NTRK3: variants seen among roughly 807,000 people sequenced by gnomAD.
NTRK3 encodes NT-3 growth factor receptor.
NTRK3 carries 24 observed loss-of-function variants against 91.7 expected under a neutral mutation model. The ratio of observed to expected loss-of-function variants is 0.26; its 90% CI spans 0.19 to 0.37. The LOEUF is 0.37. Among genes scored for constraint, NTRK3 ranks in the 10% least tolerant of loss-of-function variants. The pLI is 1.00. For synonymous variants in NTRK3, 483 were observed against 404.0 expected (o/e 1.20, Z -2.34); for missense variants, 880 against 1,068.9 (o/e 0.82, Z 2.46).
In NTRK3 at chr15:87,920,441, G is replaced by A. The variant is rs548800552; in HGVS notation, c.2133+8750C>T. 1.5e-3 allele frequency among the ~76,000 whole-genome samples: 223 copies of A among 152,224 alleles called. 1 individual carries two copies. Among genetic ancestry groups the A allele is most frequent in the African/African-American group, 4.9e-3 (205 of 41,540 alleles). On this transcript the variant is annotated intron_variant, in intron 17 of 18. Coordinates refer to ENST00000394480, the Ensembl canonical transcript of NTRK3. ...GGAAGTCTCTCCAGTCTGTGGCCAC[G>A]TCTCCTGATTAGCACAAAGCACCCT...
At position 88,240,574 on chromosome 15, in the gene NTRK3, G is replaced by A. The variant is rs977837496; in HGVS notation, c.248+15332C>T. On this transcript the variant is annotated intron_variant, in intron 3 of 18. Transcript: ENST00000394480. This position sits in a 1 kb window ranked among gnomAD's most constrained non-coding sequence, Gnocchi z 4.9. ...GCTGGGGCTGGCAGGAAATGGAAAG[G>A]GGTCTGTAATACAGGGCTGCCCCCC... is the stretch of plus-strand genomic sequence containing the variant. Among the ~76,000 whole-genome samples, 2 of 152,186 alleles carry A rather than the reference G, an allele frequency of 1.3e-5. No individual in the cohort carries two copies. The highest frequency in any genetic ancestry group is 2.4e-5 in the African/African-American group (1 of 41,442).
intron 13 of NTRK3, among the ~76,000 whole-genome samples, chr15:88,119,115 A>G (rs77545995): frequency 6.6e-6 from 1 of 152,366 alleles, no homozygotes; most frequent in East Asian, 1.9e-4. Context: ...GAGCAAGTTC[A>G]GCCTCCACAC....
chr15:88,041,150 A>G (rs2079567532), intron 13 of NTRK3, among the ~76,000 whole-genome samples: 5 of 152,228 alleles, frequency 3.3e-5, no homozygotes, highest in Admixed American at 3.3e-4. Context: ...GATTGGGGCT[A>G]AATCAGTGCA....
At chr15:87,869,186 C>T (rs1327306766) in exon 19 of NTRK3, 2 of 228,936 alleles carry the variant, frequency 8.7e-6, no homozygotes, top group Non-Finnish European at 1.7e-5. Context: ...TCAGAGAAGG[C>T]CCAAACTCCC....
chr15:88,147,460 C>G (rs931355063), intron 5 of NTRK3, 57 bp from the exon 6 acceptor site: 3 of 1,412,988 alleles, frequency 2.1e-6, no homozygotes, highest in Non-Finnish European at 3.0e-6. Context: ...AAATAATGCT[C>G]TAGGTAGTAA....
At chr15:88,109,602 C>G (rs942707592) in intron 13 of NTRK3, among the ~76,000 whole-genome samples, 1 of 152,158 alleles carries the variant, frequency 6.6e-6, no homozygotes, top group African/African-American at 2.4e-5. Flanking sequence ...CTTTAAAGTT[C>G]CAAGATATGT....
intron 14 of NTRK3, among the ~76,000 whole-genome samples, chr15:87,995,446 G>A (rs1340160906): frequency 6.6e-6 from 1 of 152,208 alleles, no homozygotes; most frequent in Non-Finnish European, 1.5e-5. Flanking sequence ...TAAGAAGATA[G>A]GAAGAGAAGT....
chr15:88,226,741 T>C lies in NTRK3; in HGVS notation c.248+29165A>G, dbSNP rs564490498. On this transcript the variant is annotated intron_variant, in intron 3 of 18. Coordinates refer to ENST00000394480, the Ensembl canonical transcript of NTRK3. ...CATGGTCTTGTGTCCCGTTCCATTA[T>C]TAATAAAAGTAACAACAATAATCAC... Among the ~76,000 whole-genome samples the C allele has an allele frequency of 4.6e-5, 7 of 152,346 alleles. No homozygotes were observed. The South Asian group carries it at 8.3e-4, about 18-fold the overall frequency.
chr15:88,251,207 T>A (rs2053314449), intron 3 of NTRK3, among the ~76,000 whole-genome samples: 1 of 152,242 alleles, frequency 6.6e-6, no homozygotes, highest in Admixed American at 6.5e-5. Context: ...GAATAACCAC[T>A]GTCCCAAGGT....
chr15:88,067,482 AG>A (rs1426805743), intron 13 of NTRK3, among the ~76,000 whole-genome samples: 1 of 152,104 alleles, frequency 6.6e-6, no homozygotes, highest in Non-Finnish European at 1.5e-5. Context: ...GACAGTTCCC[AG>A]GGGGATGGGT....
At chr15:88,118,364 G>A (rs910687861) in intron 13 of NTRK3, among the ~76,000 whole-genome samples, 2 of 152,264 alleles carry the variant, frequency 1.3e-5, no homozygotes, top group African/African-American at 4.8e-5. Context: ...GAGAAAGAAT[G>A]TTCCATGAGA....
At chr15:88,072,355 G>C (rs1379086664) in intron 13 of NTRK3, 2 of 196,748 alleles carry the variant, frequency 1.0e-5, no homozygotes, top group Non-Finnish European at 1.1e-5. Context: ...TCCCAGAGCA[G>C]AGTGACGCAG....
chr15:87,957,747 T>C (rs1327964795), intron 14 of NTRK3, among the ~76,000 whole-genome samples: 2 of 152,224 alleles, frequency 1.3e-5, no homozygotes, highest in Non-Finnish European at 2.9e-5. Flanking sequence ...TCAGAGACTA[T>C]GAAAGAGGAC....
At chr15:87,898,998 A>T (rs2066296084) in intron 17 of NTRK3, among the ~76,000 whole-genome samples, 1 of 152,098 alleles carries the variant, frequency 6.6e-6, no homozygotes, top group African/African-American at 2.4e-5. Flanking sequence ...GAACAATACT[A>T]CTAACACCAT....
chr15:88,048,277 A>G (rs981180248), intron 13 of NTRK3, among the ~76,000 whole-genome samples: 2 of 152,180 alleles, frequency 1.3e-5, no homozygotes, highest in African/African-American at 4.8e-5. Flanking sequence ...ATTAGTGCCA[A>G]TGGAAGTGTC....
chr15:88,050,572 C>T (rs1425757890), intron 13 of NTRK3, among the ~76,000 whole-genome samples: 2 of 151,224 alleles, frequency 1.3e-5, no homozygotes, highest in African/African-American at 4.9e-5. Context: ...CACACTCACA[C>T]ACACAAATAA....
At chr15:88,197,347 G>C (rs376065285) in intron 3 of NTRK3, among the ~76,000 whole-genome samples, 1 of 152,114 alleles carries the variant, frequency 6.6e-6, no homozygotes, top group African/African-American at 2.4e-5. Context: ...AGAAGGATAG[G>C]AGGACCTCTT....
At chr15:87,953,623 T>C (rs1337309439) in intron 14 of NTRK3, among the ~76,000 whole-genome samples, 1 of 152,126 alleles carries the variant, frequency 6.6e-6, no homozygotes, top group Non-Finnish European at 1.5e-5. Context: ...CTGGACCTCT[T>C]TGGGTGGCCC....
intron 13 of NTRK3, among the ~76,000 whole-genome samples, chr15:88,124,698 C>T (rs959892325): frequency 3.9e-5 from 6 of 152,196 alleles, no homozygotes; most frequent in African/African-American, 1.4e-4. Context: ...GTCGTCTCAT[C>T]TTCTAGATCT....
Sources: gnomAD v4.1 joint callset for allele counts (sites outside exome capture counted in the v4.1 genomes callset) on GRCh38, gnomAD v4.1.1 for gene constraint, Gnocchi (gnomAD v3.1) non-coding constraint, MANE v1.5 for transcripts, NCBI Gene and HGNC (gene_info 2026-07-23, HGNC 2026-07-21) for gene names.